The following C1GALT1 variants were observed in gnomAD, a reference collection of about 807,000 sequenced individuals.
C1GALT1 encodes glycoprotein-N-acetylgalactosamine 3-beta-galactosyltransferase 1.
Under a neutral mutation model 31.0 loss-of-function variants are expected in C1GALT1, and 11 were observed. The ratio of observed to expected loss-of-function variants is 0.36; its 90% CI spans 0.22 to 0.59. The LOEUF (loss-of-function observed/expected upper bound fraction) is 0.59, where lower values mean the gene tolerates loss of function less well. Among genes scored for constraint, C1GALT1 ranks in the 20% least tolerant of loss-of-function variants. The pLI, the probability that C1GALT1 is intolerant of heterozygous loss-of-function variation, is 0.79. For synonymous variants in C1GALT1, 175 were observed against 143.6 expected (o/e 1.22, Z -1.56); for missense variants, 424 against 425.2 (o/e 1.00, Z 0.03).
intron 2 of C1GALT1, among the ~76,000 whole-genome samples, chr7:7,176,496 T>A (rs1780507627): frequency 6.6e-6 from 1 of 152,196 alleles, no homozygotes; most frequent in Admixed American, 6.5e-5. Context: ...CTGATTCTTA[T>A]TCCAGGGAAC....
At chr7:7,168,690 TA>T (rs1780422944) in intron 2 of C1GALT1, among the ~76,000 whole-genome samples, 1 of 152,202 alleles carries the variant, frequency 6.6e-6, no homozygotes, top group Non-Finnish European at 1.5e-5. Context: ...GTGGTATTTT[TA>T]AAAAGACAAC....
chr7:7,194,905 G>T (rs1320740103), intron 1 of C1GALT1, among the ~76,000 whole-genome samples: 1 of 152,006 alleles, frequency 6.6e-6, no homozygotes, highest in East Asian at 1.9e-4. Context: ...ATCTAGGAGG[G>T]TTGTATGTTT....
intron 1 of C1GALT1, among the ~76,000 whole-genome samples, chr7:7,220,856 A>T (rs907501521): frequency 1.3e-5 from 2 of 152,210 alleles, no homozygotes; most frequent in African/African-American, 2.4e-5. Flanking sequence ...TAGTTTGAGT[A>T]TAAAATTCTA....
chr7:7,183,703 A>G, intron 1 of C1GALT1: 1 of 645,478 alleles, frequency 1.5e-6, no homozygotes, highest in Non-Finnish European at 1.9e-6. Flanking sequence ...AAAGCAAACA[A>G]CAGTATCAGC....
intron 1 of C1GALT1, among the ~76,000 whole-genome samples, chr7:7,222,607 C>T (rs1329602019): frequency 6.6e-6 from 1 of 152,158 alleles, no homozygotes; most frequent in Non-Finnish European, 1.5e-5. Flanking sequence ...TGCGAAAAGA[C>T]ATTTTTGTGC....
intron 2 of C1GALT1, among the ~76,000 whole-genome samples, chr7:7,171,402 GC>G (rs1780453304): frequency 6.6e-6 from 1 of 151,570 alleles, no homozygotes; most frequent in Non-Finnish European, 1.5e-5. Context: ...GAAGTTTTTT[GC>G]CTAATATTAG....
At chr7:7,196,361 G>C (rs964262351) in intron 1 of C1GALT1, among the ~76,000 whole-genome samples, 1 of 152,076 alleles carries the variant, frequency 6.6e-6, no homozygotes, top group Admixed American at 6.5e-5. Flanking sequence ...ATGGTTTCCA[G>C]CTTCTTCCAT....
Position 7,182,685 on chromosome 7 carries a change from G to C in C1GALT1, c.-153G>C, listed in dbSNP as rs1246120150. The C allele has an allele frequency of 3.9e-6, 2 of 507,370 alleles. No homozygotes were observed. The highest frequency in any genetic ancestry group is 2.1e-5 in the African/African-American group (1 of 47,938). 31.4% of individuals were successfully genotyped at this position (507,370 alleles called of 1,614,324 possible). ...TGCTGCCGCTGCCGGGGAATAATCT[G>C]GGCGGCAGCGGGCGGCCTCGGCTAG... On this transcript the variant is annotated 5_prime_UTR_variant, in exon 1 of 4. Transcript: ENST00000436587.
Position 7,245,043 on chromosome 7 carries a change from TGAAAG to T in C1GALT1, c.*1322_*1326del, listed in dbSNP as rs1410514696. 1 of 152,252 alleles carries T rather than the reference TGAAAG, an allele frequency of 6.6e-6. No homozygotes were observed. The highest frequency in any genetic ancestry group is 1.5e-5 in the Non-Finnish European group (1 of 68,036). 9.4% of individuals were successfully genotyped at this position (152,252 alleles called of 1,614,324 possible). A position where few individuals can be genotyped will look rare whatever the true frequency, so the allele number is the denominator to read the frequency against. ...TTAGTGACTCTGTTTAAAGAGTTTC[TGAAAG>T]GAAAGAAATTTTTTATTTTTATTAT... On this transcript the variant is annotated 3_prime_UTR_variant, in exon 4 of 4. Coordinates refer to ENST00000436587, the MANE Select transcript of C1GALT1 (RefSeq NM_020156.5).
intron 1 of C1GALT1, among the ~76,000 whole-genome samples, chr7:7,195,831 T>C (rs1781261276): frequency 6.6e-6 from 1 of 152,180 alleles, no homozygotes; most frequent in African/African-American, 2.4e-5. Flanking sequence ...GCAGTAATTG[T>C]TTTATAAATT....
chr7:7,198,574 T>C (rs916613093), intron 1 of C1GALT1, among the ~76,000 whole-genome samples: 1 of 152,222 alleles, frequency 6.6e-6, no homozygotes, highest in Non-Finnish European at 1.5e-5. Context: ...GGATTCCCTC[T>C]TTTTCTGTTG....
intron 2 of C1GALT1, among the ~76,000 whole-genome samples, chr7:7,177,133 A>G (rs1780512772): frequency 6.6e-6 from 1 of 152,200 alleles, no homozygotes; most frequent in Non-Finnish European, 1.5e-5. Context: ...GCAAGAAAAA[A>G]CCATACAATT....
At chr7:7,170,027 C>G (rs539651386) in intron 2 of C1GALT1, among the ~76,000 whole-genome samples, 2 of 152,298 alleles carry the variant, frequency 1.3e-5, no homozygotes, top group African/African-American at 4.8e-5. Flanking sequence ...GGTTCAATCT[C>G]TGGCCTTGTT....
In C1GALT1 at chr7:7,170,102, T is replaced by A. The variant is rs761778517; in HGVS notation, c.-18+12676T>A. Among the ~76,000 whole-genome samples the A allele has an allele frequency of 2.2e-4, 33 of 152,232 alleles. 1 individual carries two copies. The highest frequency in any genetic ancestry group is 1.5e-4 in the Non-Finnish European group (10 of 68,040). On this transcript the variant is annotated intron_variant, in intron 2 of 3. Coordinates refer to the C1GALT1 transcript ENST00000429911. ...TTAGTTAATTTGTGTGTTTATCCAT[T>A]TCATCTAGATTATCCAGAGCTGGCA...
chr7:7,214,291 T>G (rs930798538), intron 1 of C1GALT1, among the ~76,000 whole-genome samples: 1 of 152,102 alleles, frequency 6.6e-6, no homozygotes, highest in African/African-American at 2.4e-5. Flanking sequence ...CATCTCCTGT[T>G]TTTCCCAAGG....
chr7:7,192,875 T>C (rs1004994593), intron 1 of C1GALT1, among the ~76,000 whole-genome samples: 4 of 152,334 alleles, frequency 2.6e-5, no homozygotes, highest in South Asian at 2.1e-4. Flanking sequence ...TATTGCATTG[T>C]GGTTTTGATT....
At chr7:7,208,481 A>T (rs144501763) in intron 1 of C1GALT1, among the ~76,000 whole-genome samples, 2 of 151,778 alleles carry the variant, frequency 1.3e-5, no homozygotes, top group African/African-American at 4.8e-5. Flanking sequence ...GTGAATTTCT[A>T]TTTTCCCTTG....
upstream of C1GALT1, among the ~76,000 whole-genome samples, chr7:7,178,948 A>G (rs571288731): frequency 3.9e-5 from 6 of 152,316 alleles, no homozygotes; most frequent in South Asian, 1.2e-3. Context: ...GTTCTGTCTC[A>G]GGGTCTCTTT....
intron 1 of C1GALT1, chr7:7,183,674 C>A: frequency 3.7e-6 from 3 of 820,570 alleles, no homozygotes; most frequent in South Asian, 5.5e-5. Context: ...GTCTCCCCAC[C>A]CCCCACCACC....
Sources: allele counts gnomAD v4.1 joint callset (sites outside exome capture counted in the v4.1 genomes callset), GRCh38; gene constraint gnomAD v4.1.1; transcripts MANE v1.5; gene names NCBI Gene and HGNC (gene_info 2026-07-23, HGNC 2026-07-21).